Variants in DLG2 observed in about 807,000 individuals in gnomAD.
DLG2 encodes the protein disks large homolog 2.
In DLG2, 45 loss-of-function variants were observed where a neutral mutation model predicts 132.5. That is an observed-to-expected ratio of 0.34 (90% CI 0.27 to 0.44). The LOEUF (loss-of-function observed/expected upper bound fraction) is 0.44. DLG2 is among the 20% of genes least tolerant of loss of function. DLG2 has a pLI of 1.00. For synonymous variants in DLG2, 424 were observed against 419.6 expected, an observed-to-expected ratio of 1.01 and a Z score of -0.13; for missense variants, 1,045 against 1,196.9, an observed-to-expected ratio of 0.87 and a Z score of 1.87.
chr11:84,338,909 G>A (rs1280110709), intron 7 of DLG2, among the ~76,000 whole-genome samples: 1 of 152,116 alleles, frequency 6.6e-6, no homozygotes, highest in Non-Finnish European at 1.5e-5. Flanking sequence ...TGTAGTAGTA[G>A]TTATCATTTT....
At chr11:83,918,674 C>T (rs7948463) in intron 15 of DLG2, among the ~76,000 whole-genome samples, 3,156 of 152,172 alleles carry the variant, frequency 0.021, 58 homozygotes, top group Non-Finnish European at 0.032. Flanking sequence ...AGGAACAGAG[C>T]TGCTGTGGAA....
intron 8 of DLG2, among the ~76,000 whole-genome samples, chr11:84,170,629 T>C (rs1346030628): frequency 6.6e-6 from 1 of 152,152 alleles, no homozygotes; most frequent in Non-Finnish European, 1.5e-5. Context: ...CATGAGAATG[T>C]GTAGGCCTAT....
At chr11:83,610,620 G>A (rs2059979039) in intron 19 of DLG2, among the ~76,000 whole-genome samples, 1 of 152,098 alleles carries the variant, frequency 6.6e-6, no homozygotes, top group African/African-American at 2.4e-5. Flanking sequence ...GCCTAGAAGT[G>A]TGTCAAGCAA....
intron 6 of DLG2, among the ~76,000 whole-genome samples, chr11:84,843,866 G>C (rs1179807289): frequency 6.6e-6 from 1 of 151,258 alleles, no homozygotes; most frequent in Non-Finnish European, 1.5e-5. Context: ...AAAGCTGACT[G>C]TGTGTGTATA....
intron 8 of DLG2, 135 bp from the exon 9 acceptor site, chr11:84,163,646 T>A: frequency 1.4e-6 from 1 of 697,044 alleles, no homozygotes; most frequent in Non-Finnish European, 2.4e-6. Context: ...TATTTCTGAT[T>A]GTGCATTTTC....
chr11:83,819,790 A>G (rs1004221802), intron 17 of DLG2, among the ~76,000 whole-genome samples: 1 of 152,062 alleles, frequency 6.6e-6, no homozygotes, highest in African/African-American at 2.4e-5. Flanking sequence ...TGACCCCTCT[A>G]TTTCTCCCCT....
chr11:85,532,634 G>T (rs2075285258), intron 3 of DLG2, among the ~76,000 whole-genome samples: 1 of 152,164 alleles, frequency 6.6e-6, no homozygotes, highest in African/African-American at 2.4e-5. Flanking sequence ...TATTTGGATG[G>T]GCAGTGCTGT....
At chr11:84,611,189 T>A (rs2099595004) in intron 6 of DLG2, among the ~76,000 whole-genome samples, 2 of 152,168 alleles carry the variant, frequency 1.3e-5, no homozygotes, top group South Asian at 4.1e-4. Flanking sequence ...CCATGTGTTA[T>A]TAATAGTTTT....
chr11:84,419,469 A>G lies in DLG2; in HGVS notation c.519+115101T>C, dbSNP rs545705691. Reference sequence around the variant, plus strand: ...AATCTATTTATTCTGGACATCATTTAGAACATCCTGAACATACTGTCTCAT... The same window carrying G: ...AATCTATTTATTCTGGACATCATTTGGAACATCCTGAACATACTGTCTCAT... On this transcript the variant is annotated intron_variant, in intron 7 of 27. Coordinates refer to ENST00000376104, the MANE Select transcript of DLG2 (RefSeq NM_001142699.3). 2.6e-5 allele frequency among the ~76,000 whole-genome samples: 4 copies of G among 152,320 alleles called. No individual in the cohort carries two copies. The South Asian group carries it at 8.3e-4, about 32-fold the overall frequency.
At chr11:83,642,112 C>T (rs1434456739) in intron 18 of DLG2, among the ~76,000 whole-genome samples, 5 of 152,164 alleles carry the variant, frequency 3.3e-5, no homozygotes, top group Non-Finnish European at 5.9e-5. Context: ...CCATTAATAA[C>T]TCAGTTATGG....
chr11:85,205,516 A>T (rs2081823671), intron 4 of DLG2, among the ~76,000 whole-genome samples: 2 of 152,176 alleles, frequency 1.3e-5, no homozygotes, highest in South Asian at 4.1e-4. Flanking sequence ...TTGTGTATGT[A>T]TGTCAGAATA....
chr11:83,840,537 C>T (rs117398065), intron 16 of DLG2, among the ~76,000 whole-genome samples: 5,010 of 152,226 alleles, frequency 0.033, 130 homozygotes, highest in South Asian at 0.088. Flanking sequence ...CTGGAAGACA[C>T]ATTTCATCTA....
At chr11:84,350,372 G>T (rs1021213570) in intron 7 of DLG2, among the ~76,000 whole-genome samples, 2 of 152,168 alleles carry the variant, frequency 1.3e-5, no homozygotes, top group African/African-American at 4.8e-5. Context: ...ATATGCAAAG[G>T]AGTAAGTATC....
intron 3 of DLG2, among the ~76,000 whole-genome samples, chr11:85,384,606 T>C (rs2086171741): frequency 6.6e-6 from 1 of 152,238 alleles, no homozygotes. Flanking sequence ...TCTCACTCTG[T>C]TTCCCACGCT....
At chr11:83,760,046 C>A (rs1161232600) in intron 18 of DLG2, among the ~76,000 whole-genome samples, 1 of 152,130 alleles carries the variant, frequency 6.6e-6, no homozygotes, top group Admixed American at 6.5e-5. Flanking sequence ...CCATGGGTGG[C>A]CTTCTATTCC....
At chr11:84,491,533 T>A (rs1365719391) in intron 7 of DLG2, among the ~76,000 whole-genome samples, 1 of 152,136 alleles carries the variant, frequency 6.6e-6, no homozygotes, top group African/African-American at 2.4e-5. Context: ...ATGGACGCAT[T>A]TTCTAGGACA....
At chr11:84,030,655 C>A (rs1196907257) in intron 11 of DLG2, among the ~76,000 whole-genome samples, 1 of 152,134 alleles carries the variant, frequency 6.6e-6, no homozygotes, top group Non-Finnish European at 1.5e-5. Flanking sequence ...ACTCAGAATT[C>A]ATGATATGTT....
chr11:85,528,592 GAATTT>G (rs2074964366), intron 3 of DLG2, among the ~76,000 whole-genome samples: 2 of 152,174 alleles, frequency 1.3e-5, no homozygotes, highest in African/African-American at 4.8e-5. Flanking sequence ...ATCCTGAGTT[GAATTT>G]ATGCATAACC....
intron 19 of DLG2, among the ~76,000 whole-genome samples, chr11:83,606,816 G>A (rs1787251513): frequency 1.3e-5 from 2 of 151,960 alleles, no homozygotes; most frequent in African/African-American, 4.8e-5. Flanking sequence ...GGTCCCAGCT[G>A]CTCAGGAGGC....
Sources: gnomAD v4.1 joint callset for allele counts (sites outside exome capture counted in the v4.1 genomes callset) on GRCh38, gnomAD v4.1.1 for gene constraint, MANE v1.5 for transcripts, NCBI Gene and HGNC (gene_info 2026-07-23, HGNC 2026-07-21) for gene names.